Variants in MAP1S observed in about 807,000 individuals in gnomAD.
The protein encoded by MAP1S is microtubule associated protein 1S.
Under a neutral mutation model 60.9 loss-of-function variants are expected in MAP1S, and 27 were observed. The observed-to-expected ratio is 0.44, with a 90% CI of 0.33 to 0.61. The LOEUF is 0.61. Ranked by LOEUF, MAP1S falls within the 20% of genes least tolerant of loss-of-function variation. The pLI, the probability that MAP1S is intolerant of heterozygous loss-of-function variation, is 0.03. For synonymous variants in MAP1S, 826 were observed against 694.2 expected (o/e 1.19, Z -2.98); for missense variants, 1,608 against 1,486.6 (o/e 1.08, Z -1.34).
At chr19:17,721,271 G>T (rs1470824347) in intron 2 of MAP1S, 1 of 539,514 alleles carries the variant, frequency 1.9e-6, no homozygotes, top group Admixed American at 2.7e-5. Context: ...TGGCATTGAA[G>T]GGGGAAGAGG....
chr19:17,727,594 T>C lies in MAP1S; in HGVS notation c.2210T>C (p.Leu737Pro). The C allele has an allele frequency of 6.2e-7, 1 of 1,607,304 alleles. No individual in the cohort carries two copies. Among genetic ancestry groups the C allele is most frequent in the Non-Finnish European group, 8.5e-7 (1 of 1,179,706 alleles). ...RRSASPHDVD[L>P]CLVSPCEFEH... ...TCGGCTTCCCCACACGATGTGGACC[T>C]GTGCCTGGTGTCACCCTGTGAATTT... The change falls in exon 5 of 7, where the codon CTG (leucine) becomes CCG (proline). Residue 737 changes from leucine to proline, a missense_variant. Leu to Pro is a moderately conservative substitution (Grantham distance 98). Transcript: ENST00000324096. This position sits in a 1 kb window ranked among gnomAD's most constrained non-coding sequence, Gnocchi z 4.1.
chr19:17,728,240 C>A (rs2080462014), intron 5 of MAP1S, 68 bp downstream of exon 5: 1 of 1,462,262 alleles, frequency 6.8e-7, no homozygotes, highest in Non-Finnish European at 9.1e-7. Context: ...TAGCTCGTCC[C>A]CCTGTTTTTA....
Position 17,726,416 on chromosome 19 carries a change from C to T in MAP1S, c.1032C>T (p.Ala344=), listed in dbSNP as rs768926287. 67 of 1,572,070 alleles carry T rather than the reference C, an allele frequency of 4.3e-5. No individual in the cohort carries two copies. In the East Asian group the frequency reaches 1.0e-3, roughly 24 times the overall value. ...TCGTGTTCTTCAACGCCTGCGAGGC[C>T]GCGTCGCGGCTGGCGCGCGGCGAGG... is the stretch of plus-strand genomic sequence containing the variant. ...LGVVFFNACE[A]ASRLARGEDE... is the part of the protein sequence containing the mutation. The change falls in exon 5 of 7, where the codon GCC becomes GCT. Residue 344 remains alanine, a synonymous_variant. Coordinates refer to ENST00000324096, the MANE Select transcript of MAP1S (RefSeq NM_018174.6).
chr19:17,734,246 C>T (rs755333833), intron 6 of MAP1S, 27 bp from the exon 7 acceptor site: 15 of 1,599,534 alleles, frequency 9.4e-6, no homozygotes, highest in Non-Finnish European at 7.7e-6. Context: ...GGTCCACTCT[C>T]CCCACACACC....
At chr19:17,731,580 C>T (rs1323960247) in intron 5 of MAP1S, among the ~76,000 whole-genome samples, 1 of 152,182 alleles carries the variant, frequency 6.6e-6, no homozygotes, top group Non-Finnish European at 1.5e-5. Flanking sequence ...ATTGTTTAAT[C>T]TCCTTTTCAC....
At chr19:17,731,488 C>T (rs370762950) in intron 5 of MAP1S, among the ~76,000 whole-genome samples, 44 of 152,282 alleles carry the variant, frequency 2.9e-4, no homozygotes, top group African/African-American at 5.8e-4. Flanking sequence ...GCCAGTGCCA[C>T]GCTGTTTTGA....
At position 17,727,122 on chromosome 19, in the gene MAP1S, C is replaced by T; in HGVS notation, c.1738C>T (p.Pro580Ser). ...HSGFPPVANG[P>S]RSPPSLRCGE... ...TGGCTTCCCGCCGGTGGCAAATGGACCCCGCAGCCCGCCCAGCCTCCGATG... is the reference window on the plus strand; with the variant it reads ...TGGCTTCCCGCCGGTGGCAAATGGATCCCGCAGCCCGCCCAGCCTCCGATG... Residue 580 changes from proline (P) to serine (S), a missense_variant, in exon 5 of 7, where the codon CCC becomes TCC. By Grantham distance (74) the Pro-to-Ser change is moderately conservative. This residue lies in a region of MAP1S where 1,167 missense variants were observed against 961.4 expected (regional missense o/e 1.21). Coordinates refer to ENST00000324096, the MANE Select transcript of MAP1S (RefSeq NM_018174.6). The surrounding 1 kb of genome is among the most constrained non-coding windows in gnomAD (Gnocchi z 4.1). The T allele has an allele frequency of 2.5e-6, 4 of 1,596,090 alleles. No homozygotes were observed. The highest frequency in any genetic ancestry group is 3.4e-6 in the Non-Finnish European group (4 of 1,174,236).
At chr19:17,720,827 G>C in intron 1 of MAP1S, 109 bp from the exon 2 acceptor site, 1 of 836,316 alleles carries the variant, frequency 1.2e-6, no homozygotes, top group Non-Finnish European at 2.0e-6. Context: ...AGCTGTGAGT[G>C]AAGGGAGGAG....
intron 1 of MAP1S, 78 bp downstream of exon 1, chr19:17,719,698 GGGCGGCGGCGGCGGC>G (rs531398234): frequency 1.4e-5 from 8 of 554,022 alleles, no homozygotes; most frequent in African/African-American, 2.1e-5. Context: ...CGGCGGGGTG[GGGCGGCGGCGGCGGC>G]GGCGGCGGGA....
rs2080395730 is a variant in MAP1S at position 17,724,123 on chromosome 19, C to T, written c.221-3C>T. 2 of 1,613,232 alleles carry T rather than the reference C, an allele frequency of 1.2e-6. No individual in the cohort carries two copies. The highest frequency in any genetic ancestry group is 1.7e-6 in the Non-Finnish European group (2 of 1,179,624). Reference sequence around the variant, plus strand: ...ACTCCGGGACGGCCTGATTCCCCCACAGGCCAGCGGAGCCTGCACCACCGT... The same window carrying T: ...ACTCCGGGACGGCCTGATTCCCCCATAGGCCAGCGGAGCCTGCACCACCGT... On this transcript the variant is annotated splice_region_variant and splice_polypyrimidine_tract_variant and intron_variant, in intron 2 of 6. Transcript: ENST00000324096.
Position 17,726,968 on chromosome 19 carries a change from C to T in MAP1S, c.1584C>T (p.Asp528=), listed in dbSNP as rs1265337464. The T allele has an allele frequency of 2.5e-6, 4 of 1,574,690 alleles. No individual in the cohort carries two copies. Among genetic ancestry groups the T allele is most frequent in the East Asian group, 4.7e-5 (2 of 42,912 alleles). ...EAKTPRELKK[D]PKPSVSRTQP... ...AGACCCCCCGGGAGTTGAAGAAAGA[C>T]CCCAAACCGAGTGTCTCCCGGACCC... The change falls in exon 5 of 7, where the codon GAC becomes GAT. Residue 528 remains aspartate (D), a synonymous_variant. Transcript: ENST00000324096.
At chr19:17,723,943 C>A (rs2080393801) in intron 2 of MAP1S, among the ~76,000 whole-genome samples, 183 bp from the exon 3 acceptor site, 1 of 152,188 alleles carries the variant, frequency 6.6e-6, no homozygotes, top group African/African-American at 2.4e-5. Context: ...CTGGTTACTG[C>A]CTCTCTTAGG....
In MAP1S at chr19:17,730,111, C is replaced by T. The variant is rs182879306; in HGVS notation, c.2788+1939C>T. 1.6e-4 allele frequency among the ~76,000 whole-genome samples: 24 copies of T among 152,174 alleles called. No homozygotes were observed. The East Asian group carries it at 4.3e-3, about 27-fold the overall frequency. On this transcript the variant is annotated intron_variant, in intron 5 of 6. Coordinates refer to ENST00000324096, the MANE Select transcript of MAP1S (RefSeq NM_018174.6). Reference sequence around the variant, plus strand: ...GCATAAGCCACCACGCCCGACTCAACGTTTAATTTTGGATGAACCGCCAGA... The same window carrying T: ...GCATAAGCCACCACGCCCGACTCAATGTTTAATTTTGGATGAACCGCCAGA...
rs1432066758 is a variant in MAP1S at position 17,719,508 on chromosome 19, G to A, written c.6G>A (p.Ala2=). Residue 2 remains alanine (A), a synonymous_variant, in exon 1 of 7, where the codon GCG becomes GCA. Transcript: ENST00000324096. The part of the protein sequence containing the change: M[A]AVAGSGAAAA... The stretch of plus-strand genomic sequence containing the variant: ...AACGCCGGGGCGGCCCGAAGATGGC[G>A]GCGGTGGCTGGATCTGGGGCTGCCG... The A allele has an allele frequency of 5.6e-6, 7 of 1,245,098 alleles. No individual in the cohort carries two copies. In the Admixed American group the frequency reaches 2.5e-4, roughly 45 times the overall value. 77.1% of individuals were successfully genotyped at this position (1,245,098 alleles called of 1,614,324 possible).
rs1279392021 is a variant in MAP1S, at chr19:17,726,425, G to T, written c.1041G>T (p.Arg347=). 1.9e-6 allele frequency: 3 copies of T among 1,564,804 alleles called. No homozygotes were observed. The African/African-American group carries it at 4.0e-5, about 21-fold the overall frequency. The change falls in exon 5 of 7, where the codon CGG becomes CGT. Residue 347 remains arginine, a synonymous_variant. Coordinates refer to ENST00000324096, the MANE Select transcript of MAP1S (RefSeq NM_018174.6). ...TCAACGCCTGCGAGGCCGCGTCGCGGCTGGCGCGCGGCGAGGATGAGGCGG... is the reference window on the plus strand; with the variant it reads ...TCAACGCCTGCGAGGCCGCGTCGCGTCTGGCGCGCGGCGAGGATGAGGCGG... ...VFFNACEAAS[R]LARGEDEAEL... is the part of the protein sequence containing the mutation.
chr19:17,729,166 GC>G (rs1214392692), intron 5 of MAP1S, among the ~76,000 whole-genome samples: 1 of 152,198 alleles, frequency 6.6e-6, no homozygotes, highest in Admixed American at 6.5e-5. Context: ...AGGAAACCAG[GC>G]AGAAGCTTCC....
At chr19:17,720,623 A>G in intron 1 of MAP1S, 1 of 1,002,838 alleles carries the variant, frequency 1.0e-6, no homozygotes, top group East Asian at 2.6e-5. Flanking sequence ...ACTTCCAGGC[A>G]GGGGAAACAG....
chr19:17,720,356 T>G, intron 1 of MAP1S: 1 of 1,528,430 alleles, frequency 6.5e-7, no homozygotes, highest in Non-Finnish European at 8.7e-7. Context: ...GAGCACCTGC[T>G]ATGCGCCAGG....
At chr19:17,722,546 C>T (rs547214308) in intron 2 of MAP1S, among the ~76,000 whole-genome samples, 1 of 151,922 alleles carries the variant, frequency 6.6e-6, no homozygotes, top group African/African-American at 2.4e-5. Context: ...GTCAGGAGTT[C>T]GAGACCAGCC....
Sources: gnomAD v4.1 joint callset for allele counts (sites outside exome capture counted in the v4.1 genomes callset) on GRCh38, gnomAD v4.1.1 for gene constraint, gnomAD v4.1.1 regional missense constraint, Gnocchi (gnomAD v3.1) non-coding constraint, MANE v1.5 for transcripts, NCBI Gene and HGNC (gene_info 2026-07-23, HGNC 2026-07-21) for gene names.